FMN1: variants seen among roughly 807,000 people sequenced by gnomAD.
The protein encoded by FMN1 is formin-1.
In FMN1, 110 loss-of-function variants were observed where a neutral mutation model predicts 132.4. The observed-to-expected ratio is 0.83, with a 90% CI of 0.71 to 0.97. The LOEUF (loss-of-function observed/expected upper bound fraction) is 0.97, where lower values mean the gene tolerates loss of function less well. Among genes scored for constraint, FMN1 ranks in the 50% least tolerant of loss-of-function variants. The pLI, the probability that FMN1 is intolerant of heterozygous loss-of-function variation, is 0.00. For missense variants in FMN1, 1,792 were observed against 1,705.3 expected, an observed-to-expected ratio of 1.05 and a Z score of -0.90; for synonymous variants, 722 against 651.7, an observed-to-expected ratio of 1.11 and a Z score of -1.64.
chr15:33,131,072 G>A (rs1301521799), intron 4 of FMN1, among the ~76,000 whole-genome samples: 2 of 152,178 alleles, frequency 1.3e-5, no homozygotes, highest in African/African-American at 2.4e-5. Context: ...GCTCATGCCT[G>A]TAATCCCAGC....
At chr15:33,041,370 T>C (rs2141119957) in intron 6 of FMN1, among the ~76,000 whole-genome samples, 1 of 145,260 alleles carries the variant, frequency 6.9e-6, no homozygotes, top group East Asian at 2.0e-4. Flanking sequence ...TTCAGCTTTC[T>C]TTTGACGTTC....
At chr15:33,078,352 T>C (rs1272097887) in intron 5 of FMN1, among the ~76,000 whole-genome samples, 1 of 152,192 alleles carries the variant, frequency 6.6e-6, no homozygotes, top group Non-Finnish European at 1.5e-5. Context: ...GGTTTTGAAA[T>C]GTATTCACTA....
At chr15:33,030,823 G>T (rs1427180252) in intron 6 of FMN1, among the ~76,000 whole-genome samples, 2 of 152,078 alleles carry the variant, frequency 1.3e-5, no homozygotes, top group Non-Finnish European at 2.9e-5. Context: ...CCTTATGTGG[G>T]AGTTTTTTTA....
rs536878113 is a variant in FMN1, at chr15:33,135,879, A to G, written c.1867+17169T>C. Among the ~76,000 whole-genome samples, 7 of 152,254 alleles carry G rather than the reference A, an allele frequency of 4.6e-5. No individual in the cohort carries two copies. In the South Asian group the frequency reaches 1.5e-3, roughly 32 times the overall value. On this transcript the variant is annotated intron_variant, in intron 4 of 20. Coordinates refer to ENST00000616417, the MANE Select transcript of FMN1 (RefSeq NM_001277313.2). ...TGTACATAGAGTATACAATTGGCTG[A>G]TTATGTTTTGGTCTTCACCCTTCTA...
At chr15:33,008,134 T>C in intron 6 of FMN1, 59 bp from the exon 7 acceptor site, 1 of 1,286,248 alleles carries the variant, frequency 7.8e-7, no homozygotes, top group Non-Finnish European at 1.1e-6. Flanking sequence ...ACAAAATTTA[T>C]CTACTGGTCC....
At position 32,801,636 on chromosome 15, in the gene FMN1, C is replaced by A. The variant is rs781521030; in HGVS notation, c.3980+2645G>T. Among the ~76,000 whole-genome samples, 7 of 145,766 alleles carry A rather than the reference C, an allele frequency of 4.8e-5. No homozygotes were observed. The South Asian group carries it at 6.3e-4, about 13-fold the overall frequency. On this transcript the variant is annotated intron_variant, in intron 18 of 20. Transcript: ENST00000616417. ...AAACAAAAAAACAAAAACAAACAAA[C>A]AAAAAAAAATTATTCAGGCGTGGTG...
chr15:33,125,857 AAAT>A (rs1963011855), intron 4 of FMN1, among the ~76,000 whole-genome samples: 1 of 152,186 alleles, frequency 6.6e-6, no homozygotes, highest in Admixed American at 6.5e-5. Flanking sequence ...CTAAATCTCT[AAAT>A]GTTTAACTTC....
At chr15:33,105,070 G>T (rs1377813493) in intron 4 of FMN1, among the ~76,000 whole-genome samples, 1 of 151,988 alleles carries the variant, frequency 6.6e-6, no homozygotes, top group Admixed American at 6.6e-5. Flanking sequence ...ACATGCTCTG[G>T]TCTGACACAA....
chr15:32,774,840 C>G (rs1428622578), intron 20 of FMN1, among the ~76,000 whole-genome samples: 1 of 152,144 alleles, frequency 6.6e-6, no homozygotes, highest in Non-Finnish European at 1.5e-5. Context: ...TGCAGAATGG[C>G]AGAAGTTCCC....
intron 8 of FMN1, among the ~76,000 whole-genome samples, chr15:32,964,793 C>T (rs1422230928): frequency 6.6e-6 from 1 of 152,184 alleles, no homozygotes; most frequent in African/African-American, 2.4e-5. Flanking sequence ...AATATGTAAA[C>T]AGGCTGTGCC....
intron 3 of FMN1, among the ~76,000 whole-genome samples, chr15:33,166,936 T>A (rs1450099733): frequency 6.6e-6 from 1 of 152,206 alleles, no homozygotes; most frequent in Non-Finnish European, 1.5e-5. Flanking sequence ...GACTCACCAC[T>A]GCTGTATGCC....
At chr15:32,855,956 T>C (rs2059121961) in intron 17 of FMN1, among the ~76,000 whole-genome samples, 1 of 152,226 alleles carries the variant, frequency 6.6e-6, no homozygotes, top group Admixed American at 6.5e-5. Flanking sequence ...CCATCATATA[T>C]GAGGTTCTGT....
chr15:33,011,260 G>A (rs956258106), intron 6 of FMN1, among the ~76,000 whole-genome samples: 6 of 152,102 alleles, frequency 3.9e-5, no homozygotes, highest in African/African-American at 1.4e-4. Context: ...ATGATTTATA[G>A]GGTCACTTGA....
chr15:33,024,046 T>C (rs1555383775), intron 6 of FMN1, among the ~76,000 whole-genome samples: 1 of 151,816 alleles, frequency 6.6e-6, no homozygotes, highest in Non-Finnish European at 1.5e-5. Context: ...AAAGAAATCC[T>C]ATAAATAAAT....
At chr15:33,130,826 C>G (rs1281472415) in intron 4 of FMN1, among the ~76,000 whole-genome samples, 3 of 152,004 alleles carry the variant, frequency 2.0e-5, no homozygotes, top group African/African-American at 7.3e-5. Flanking sequence ...TATTTTTGGG[C>G]TGTTATAATT....
chr15:32,881,544 T>C (rs1167888525), intron 16 of FMN1, among the ~76,000 whole-genome samples: 2 of 152,188 alleles, frequency 1.3e-5, no homozygotes, highest in Admixed American at 1.3e-4. Flanking sequence ...ACCAAAGTCC[T>C]CCAAAAGGTT....
chr15:32,978,941 G>A (rs1221859278), intron 7 of FMN1, among the ~76,000 whole-genome samples: 1 of 152,168 alleles, frequency 6.6e-6, no homozygotes, highest in Non-Finnish European at 1.5e-5. Flanking sequence ...TTATCAAATG[G>A]AGTCAGTTGA....
chr15:32,887,307 T>A (rs546074818), intron 16 of FMN1, among the ~76,000 whole-genome samples: 11 of 152,304 alleles, frequency 7.2e-5, no homozygotes, highest in African/African-American at 2.6e-4. Flanking sequence ...CATTTCCACA[T>A]TAACACGCTC....
intron 2 of FMN1, among the ~76,000 whole-genome samples, chr15:33,181,683 A>ATTCTT (rs1207488494): frequency 1.4e-5 from 2 of 146,712 alleles, no homozygotes; most frequent in Admixed American, 1.4e-4. Context: ...ATCTGATTAT[A>ATTCTT]TTCTTTTCTT....
Sources: allele counts gnomAD v4.1 joint callset (sites outside exome capture counted in the v4.1 genomes callset), GRCh38; gene constraint gnomAD v4.1.1; transcripts MANE v1.5; gene names NCBI Gene and HGNC (gene_info 2026-07-23, HGNC 2026-07-21).